The following RARB variants were observed in gnomAD, a reference collection of about 807,000 sequenced individuals.
The protein encoded by RARB is retinoic acid receptor beta, also known as HBV-activated protein.
In RARB, 17 loss-of-function variants were observed where a neutral mutation model predicts 51.9. The observed-to-expected ratio is 0.33, with a 90% confidence interval of 0.22 to 0.49. The LOEUF (loss-of-function observed/expected upper bound fraction) is 0.49, where lower values mean the gene tolerates loss of function less well. Ranked by LOEUF, RARB falls within the 20% of genes least tolerant of loss-of-function variation. The pLI, the probability that RARB is intolerant of heterozygous loss-of-function variation, is 0.99. For missense variants in RARB, 369 were observed against 550.8 expected (o/e 0.67, Z 3.30); for synonymous variants, 215 against 195.4 (o/e 1.10, Z -0.84).
At chr3:24,898,070 T>C (rs73823021) in intron 2 of RARB, among the ~76,000 whole-genome samples, 1,669 of 152,164 alleles carry the variant, frequency 0.011, 26 homozygotes, top group African/African-American at 0.034. Context: ...ATCTTAAAAA[T>C]AGATTATTTT....
chr3:24,845,879 T>C (rs556347664), intron 1 of RARB, among the ~76,000 whole-genome samples: 12 of 152,344 alleles, frequency 7.9e-5, no homozygotes, highest in African/African-American at 2.4e-4. Context: ...TAATGAATTA[T>C]TTGGGGTGAT....
At chr3:25,050,423 G>A (rs1351091046) in intron 2 of RARB, among the ~76,000 whole-genome samples, 1 of 151,446 alleles carries the variant, frequency 6.6e-6, no homozygotes, top group Non-Finnish European at 1.5e-5. Context: ...TTCTCAAAAG[G>A]CTCATGATTT....
chr3:24,876,482 T>G (rs1425651181), intron 2 of RARB, among the ~76,000 whole-genome samples: 1 of 152,116 alleles, frequency 6.6e-6, no homozygotes, highest in Non-Finnish European at 1.5e-5. Flanking sequence ...TGAAAAAGAA[T>G]CAGGTAGCTC....
intron 3 of RARB, among the ~76,000 whole-genome samples, chr3:25,087,667 AT>A (rs751922305): frequency 6.6e-5 from 10 of 152,102 alleles, no homozygotes; most frequent in East Asian, 5.8e-4. Flanking sequence ...AGTAATGGAG[AT>A]TGTTGTTATT....
intron 1 of RARB, among the ~76,000 whole-genome samples, chr3:24,838,587 C>A (rs566605394): frequency 2.6e-5 from 4 of 152,098 alleles, no homozygotes; most frequent in Non-Finnish European, 5.9e-5. Context: ...GTAATAAAGC[C>A]ACTGCAGAGT....
intron 2 of RARB, among the ~76,000 whole-genome samples, chr3:25,002,329 ATATT>A (rs1292299651): frequency 2.0e-5 from 3 of 152,124 alleles, no homozygotes; most frequent in African/African-American, 7.2e-5. Context: ...AACCCTGTAG[ATATT>A]TATTCTTTGG....
chr3:25,326,104 C>T (rs1296414742), intron 5 of RARB, among the ~76,000 whole-genome samples: 2 of 152,186 alleles, frequency 1.3e-5, no homozygotes, highest in East Asian at 1.9e-4. Flanking sequence ...TTATCTCCCC[C>T]TTGGAAAGAA....
chr3:25,262,322 C>T (rs941117691), intron 5 of RARB, among the ~76,000 whole-genome samples: 2 of 152,204 alleles, frequency 1.3e-5, no homozygotes, highest in Non-Finnish European at 2.9e-5. Context: ...CATCACTCCT[C>T]TCCTTTTTCA....
chr3:25,521,495 A>G (rs1183734771), intron 3 of RARB, among the ~76,000 whole-genome samples: 2 of 152,146 alleles, frequency 1.3e-5, no homozygotes, highest in African/African-American at 2.4e-5. Context: ...ATTCTGGGGG[A>G]AAAAATAAGA....
At chr3:25,224,512 A>G (rs1328229693) in intron 5 of RARB, among the ~76,000 whole-genome samples, 1 of 152,190 alleles carries the variant, frequency 6.6e-6, no homozygotes, top group African/African-American at 2.4e-5. Context: ...CTTAAATGAA[A>G]CCTTTGGCCT....
chr3:25,419,819 T>C (rs1245318648), intron 5 of RARB, among the ~76,000 whole-genome samples: 1 of 152,212 alleles, frequency 6.6e-6, no homozygotes, highest in African/African-American at 2.4e-5. Context: ...TTACCTCCCA[T>C]GCTTATGTGT....
intron 5 of RARB, among the ~76,000 whole-genome samples, chr3:25,355,443 A>G (rs896172379): frequency 6.6e-6 from 1 of 152,122 alleles, no homozygotes; most frequent in Non-Finnish European, 1.5e-5. Flanking sequence ...TCACACAGTG[A>G]AGCACTTCAG....
chr3:25,511,979 T>G (rs899809503), intron 3 of RARB, among the ~76,000 whole-genome samples: 3 of 152,194 alleles, frequency 2.0e-5, no homozygotes, highest in Non-Finnish European at 4.4e-5. Flanking sequence ...GGAGTCAGAT[T>G]CATACCCCAG....
intron 5 of RARB, among the ~76,000 whole-genome samples, chr3:25,303,245 T>C (rs1174122615): frequency 6.6e-6 from 1 of 152,146 alleles, no homozygotes; most frequent in Non-Finnish European, 1.5e-5. Context: ...GTCAGAGAGA[T>C]TGTGACCCAA....
At chr3:25,289,640 C>G (rs1334417304) in intron 5 of RARB, among the ~76,000 whole-genome samples, 1 of 152,208 alleles carries the variant, frequency 6.6e-6, no homozygotes, top group Non-Finnish European at 1.5e-5. Context: ...TTCCTTCACC[C>G]CTTTCTTCCT....
intron 5 of RARB, among the ~76,000 whole-genome samples, chr3:25,204,599 T>G (rs916109822): frequency 1.3e-5 from 2 of 152,110 alleles, no homozygotes; most frequent in African/African-American, 4.8e-5. Flanking sequence ...ACAGATTGGG[T>G]TTTGGTGTGG....
At chr3:25,024,679 C>T (rs184427816) in intron 2 of RARB, among the ~76,000 whole-genome samples, 9 of 152,168 alleles carry the variant, frequency 5.9e-5, no homozygotes, top group African/African-American at 1.9e-4. Context: ...GAGCTGGGCA[C>T]GGTGGCTCAT....
At chr3:24,983,679 G>T (rs2125427731) in intron 2 of RARB, among the ~76,000 whole-genome samples, 1 of 152,056 alleles carries the variant, frequency 6.6e-6, no homozygotes, top group South Asian at 2.1e-4. Flanking sequence ...TTGTAGATAG[G>T]TTATGTTTTC....
intron 2 of RARB, among the ~76,000 whole-genome samples, chr3:24,953,196 C>T (rs1695937692): frequency 1.3e-5 from 2 of 152,012 alleles, no homozygotes; most frequent in Admixed American, 1.3e-4. Flanking sequence ...GCATCTCTTT[C>T]ATTTAAATAA....
Sources: allele counts gnomAD v4.1 joint callset (sites outside exome capture counted in the v4.1 genomes callset), GRCh38; gene constraint gnomAD v4.1.1; transcripts MANE v1.5; gene names NCBI Gene and HGNC (gene_info 2026-07-23, HGNC 2026-07-21).